Variants in TMC2 observed in about 807,000 individuals in gnomAD.
The protein encoded by TMC2 is transmembrane channel-like protein 2.
Under a neutral mutation model 105.9 loss-of-function variants are expected in TMC2, and 102 were observed. That is an observed-to-expected ratio of 0.96 (90% CI 0.82 to 1.14). TMC2 has a LOEUF of 1.14. Ranked by LOEUF, TMC2 falls within the 50% of genes most tolerant of loss-of-function variation. The pLI is 0.00. For missense variants in TMC2, 1,093 were observed against 1,134.3 expected, an observed-to-expected ratio of 0.96 and a Z score of 0.52; for synonymous variants, 402 against 422.8, an observed-to-expected ratio of 0.95 and a Z score of 0.60.
intron 17 of TMC2, among the ~76,000 whole-genome samples, chr20:2,629,211 GA>G (rs199612383): frequency 0.022 from 3,290 of 152,226 alleles, 110 homozygotes; most frequent in African/African-American, 0.072. Flanking sequence ...TGTAAACAAT[GA>G]AAATGTTATA....
At position 2,573,514 on chromosome 20, in the gene TMC2, T is replaced by A. The variant is rs1465740597; in HGVS notation, c.645+1245T>A. On this transcript the variant is annotated intron_variant, in intron 5 of 19. Coordinates refer to ENST00000358864, the MANE Select transcript of TMC2 (RefSeq NM_080751.3). ...TTTTTGTGCTAATTTTATATCTGGT[T>A]CTCTTATGGTACTCTCTTATTAATT... is the stretch of plus-strand genomic sequence containing the variant. 4.6e-5 allele frequency among the ~76,000 whole-genome samples: 7 copies of A among 151,968 alleles called. No individual in the cohort carries two copies. The East Asian group carries it at 1.3e-3, about 29-fold the overall frequency.
At chr20:2,548,294 A>G (rs6083611) in intron 2 of TMC2, among the ~76,000 whole-genome samples, 17,602 of 152,290 alleles carry the variant, frequency 0.12, 1,043 homozygotes, top group East Asian at 0.16. Flanking sequence ...AGCAAAAGTA[A>G]ATAAACTTAA....
At chr20:2,581,748 G>T (rs1297668455) in intron 7 of TMC2, among the ~76,000 whole-genome samples, 1 of 152,236 alleles carries the variant, frequency 6.6e-6, no homozygotes, top group African/African-American at 2.4e-5. Flanking sequence ...TTTGGGGGAA[G>T]TTGAGCAATT....
intron 7 of TMC2, among the ~76,000 whole-genome samples, chr20:2,582,128 G>A (rs1288622468): frequency 6.6e-6 from 1 of 152,182 alleles, no homozygotes; most frequent in Non-Finnish European, 1.5e-5. Context: ...ATATCAATGG[G>A]AATGGATTAA....
At chr20:2,621,767 G>A (rs1364352267) in intron 16 of TMC2, among the ~76,000 whole-genome samples, 2 of 152,090 alleles carry the variant, frequency 1.3e-5, no homozygotes, top group Admixed American at 6.5e-5. Flanking sequence ...CTCCTTTTTG[G>A]TATTGGAAAG....
intron 17 of TMC2, among the ~76,000 whole-genome samples, chr20:2,629,114 A>G (rs1600140761): frequency 6.6e-6 from 1 of 152,232 alleles, no homozygotes; most frequent in East Asian, 1.9e-4. Flanking sequence ...AAAAAAGAAA[A>G]CAGGCTAATA....
intron 11 of TMC2, among the ~76,000 whole-genome samples, chr20:2,608,656 C>T (rs1053841928): frequency 1.3e-5 from 2 of 152,120 alleles, no homozygotes; most frequent in Non-Finnish European, 2.9e-5. Flanking sequence ...CACTCTTACT[C>T]TTCCCATCTT....
intron 7 of TMC2, among the ~76,000 whole-genome samples, chr20:2,588,928 C>T (rs2086249226): frequency 6.6e-6 from 1 of 152,046 alleles, no homozygotes; most frequent in Admixed American, 6.6e-5. Context: ...TCTATAACTT[C>T]CATTTGATTG....
At chr20:2,621,268 A>G (rs1355562233) in intron 16 of TMC2, among the ~76,000 whole-genome samples, 1 of 151,974 alleles carries the variant, frequency 6.6e-6, no homozygotes, top group Admixed American at 6.6e-5. Context: ...AGGCTGAGGC[A>G]GGAGAATCGC....
At chr20:2,551,777 G>C (rs909611966) in intron 2 of TMC2, among the ~76,000 whole-genome samples, 1 of 151,996 alleles carries the variant, frequency 6.6e-6, no homozygotes, top group Non-Finnish European at 1.5e-5. Flanking sequence ...CATCGTCAAA[G>C]GTTGGCTATA....
intron 2 of TMC2, 81 bp downstream of exon 2, chr20:2,537,397 C>T (rs1600090549): frequency 1.8e-6 from 2 of 1,122,078 alleles, no homozygotes; most frequent in East Asian, 5.1e-5. Context: ...AGCCACCCAT[C>T]CAACATTCTC....
chr20:2,561,577 A>T (rs59043535), intron 3 of TMC2, among the ~76,000 whole-genome samples: 21,840 of 152,210 alleles, frequency 0.14, 1,766 homozygotes, highest in African/African-American at 0.2. Flanking sequence ...AAAAATTTGC[A>T]TTACAGTAAG....
chr20:2,580,286 T>C (rs1394299105), intron 7 of TMC2, among the ~76,000 whole-genome samples: 5 of 152,210 alleles, frequency 3.3e-5, no homozygotes, highest in Non-Finnish European at 5.9e-5. Context: ...TTAAAAGTAA[T>C]GGCAAAAACT....
In TMC2 at chr20:2,545,879, A is replaced by G. The variant is rs1436382929; in HGVS notation, c.82+8563A>G. Among the ~76,000 whole-genome samples, 168 of 140,154 alleles carry G rather than the reference A, an allele frequency of 1.2e-3. 1 individual carries two copies. Among genetic ancestry groups the G allele is most frequent in the African/African-American group, 3.5e-3 (127 of 36,534 alleles). The allele number at this position is 140,154 out of a possible 152,430, so 91.9% of individuals were successfully genotyped here. A position where few individuals can be genotyped will look rare whatever the true frequency, so the allele number is the denominator to read the frequency against. ...AGAAAGAAAGAAAAAGAAAGAAAGA[A>G]AAAGAAAGAAATGAAAGAAAGAAAG... On this transcript the variant is annotated intron_variant, in intron 2 of 19. Coordinates refer to ENST00000358864, the MANE Select transcript of TMC2 (RefSeq NM_080751.3).
At chr20:2,593,411 T>C (rs1417389470) in intron 8 of TMC2, among the ~76,000 whole-genome samples, 1 of 152,152 alleles carries the variant, frequency 6.6e-6, no homozygotes, top group Non-Finnish European at 1.5e-5. Context: ...AATGAATATC[T>C]GAGGAGGAAG....
At chr20:2,578,213 A>G (rs2122870663) in intron 5 of TMC2, among the ~76,000 whole-genome samples, 1 of 152,174 alleles carries the variant, frequency 6.6e-6, no homozygotes, top group South Asian at 2.1e-4. Flanking sequence ...CCAGCTACTC[A>G]GGAGGCTGAG....
chr20:2,536,630 C>G lies in TMC2; in HGVS notation c.9C>G (p.His3Gln). MSHQVKGLKEEAR... is the reference protein window; with the variant it reads MSQQVKGLKEEAR... ...CAGCAGTGCTGCTGACCATGAGCCA[C>G]CAGGTAAAGGGCCTGAAAGAGGAAG... Residue 3 changes from histidine (H) to glutamine (Q), a missense_variant, in exon 1 of 20, where the codon CAC becomes CAG. His to Gln is a conservative substitution (Grantham distance 24, BLOSUM62 0). Coordinates refer to ENST00000358864, the MANE Select transcript of TMC2 (RefSeq NM_080751.3). The G allele has an allele frequency of 5.1e-6, 8 of 1,574,684 alleles. No individual in the cohort carries two copies. Among genetic ancestry groups the G allele is most frequent in the Non-Finnish European group, 6.9e-6 (8 of 1,160,142 alleles).
chr20:2,572,559 A>C lies in TMC2; in HGVS notation c.645+290A>C, dbSNP rs1393493635. On this transcript the variant is annotated intron_variant, in intron 5 of 19. Transcript: ENST00000358864. ...TAAAACCACTGGGATTTTATTTTCC[A>C]AACCCCAAATCAGGACAGGTTGAGT... Among the ~76,000 whole-genome samples the C allele has an allele frequency of 2.0e-5, 3 of 152,184 alleles. No homozygotes were observed. In the East Asian group the frequency reaches 5.8e-4, roughly 29 times the overall value.
At chr20:2,570,678 G>A (rs2086096932) in intron 4 of TMC2, among the ~76,000 whole-genome samples, 1 of 152,014 alleles carries the variant, frequency 6.6e-6, no homozygotes, top group Admixed American at 6.6e-5. Context: ...CCAAAAATGA[G>A]CCCAAACAGC....
Sources: gnomAD v4.1 joint callset for allele counts (sites outside exome capture counted in the v4.1 genomes callset) on GRCh38, gnomAD v4.1.1 for gene constraint, MANE v1.5 for transcripts, NCBI Gene and HGNC (gene_info 2026-07-23, HGNC 2026-07-21) for gene names.